Variants in INF2 observed in about 807,000 individuals in gnomAD.
INF2 encodes inverted formin-2.
In INF2, 43 loss-of-function variants were observed where a neutral mutation model predicts 123.5. That is an observed-to-expected ratio of 0.35 (90% CI 0.27 to 0.45). INF2 has a LOEUF of 0.45. Among genes scored for constraint, INF2 ranks in the 20% least tolerant of loss-of-function variants. The pLI is 1.00. For synonymous variants in INF2, 851 were observed against 745.0 expected (o/e 1.14, Z -2.32); for missense variants, 1,453 against 1,682.7 (o/e 0.86, Z 2.39).
rs2140670281 is a variant in INF2 at position 104,708,011 on chromosome 14, C to T, written c.1735+9C>T. 1 of 1,598,078 alleles carries T rather than the reference C, an allele frequency of 6.3e-7. No individual in the cohort carries two copies. Among genetic ancestry groups the T allele is most frequent in the Admixed American group, 1.7e-5 (1 of 60,014 alleles). ...ATCCAACGTGGCACGTGGTGAGGGT[C>T]CCCAGACCCCCAAGGGAAGCTTCCC... On this transcript the variant is annotated intron_variant, in intron 8 of 22. Transcript: ENST00000392634.
At chr14:104,681,254 A>G (rs1392774417) in exon 1 of INF2, 1 of 347,712 alleles carries the variant, frequency 2.9e-6, no homozygotes, top group African/African-American at 2.1e-5. Context: ...CCAGCGCCCC[A>G]CTGTAATAGG....
chr14:104,702,665 C>T (rs1889586101), intron 2 of INF2, among the ~76,000 whole-genome samples: 1 of 152,280 alleles, frequency 6.6e-6, no homozygotes, highest in South Asian at 2.1e-4. Flanking sequence ...CCCGTCTCCC[C>T]AGCCTGGGCC....
intron 8 of INF2, 37 bp downstream of exon 8, chr14:104,708,039 A>G: frequency 1.3e-6 from 2 of 1,597,864 alleles, no homozygotes; most frequent in Non-Finnish European, 8.5e-7. Context: ...AGCTTCCCCT[A>G]GGACGGGGGC....
In INF2 at chr14:104,699,404, C is replaced by T; in HGVS notation, c.-9-1953C>T. 1.0e-6 allele frequency: 1 copy of T among 985,314 alleles called. No homozygotes were observed. Among genetic ancestry groups the T allele is most frequent in the Non-Finnish European group, 1.2e-6 (1 of 829,904 alleles). 61.0% of individuals were successfully genotyped at this position (985,314 alleles called of 1,614,324 possible). A position where few individuals can be genotyped will look rare whatever the true frequency, so the allele number is the denominator to read the frequency against. Reference sequence around the variant, plus strand: ...TATATGCAGAGGCCCGGCTGCCTGGCTCTTCATGGTGGTGGGAGCAACCCT... The same window carrying T: ...TATATGCAGAGGCCCGGCTGCCTGGTTCTTCATGGTGGTGGGAGCAACCCT... On this transcript the variant is annotated intron_variant, in intron 1 of 22. Transcript: ENST00000392634. The surrounding 1 kb of genome is among the most constrained non-coding windows in gnomAD (Gnocchi z 4.7).
chr14:104,708,270 A>G (rs1395802799), intron 8 of INF2, 166 bp from the exon 9 acceptor site: 17 of 934,818 alleles, frequency 1.8e-5, no homozygotes, highest in Non-Finnish European at 2.4e-5. Context: ...GCCCTGCTAC[A>G]GGTGCTCAGG....
intron 8 of INF2, 55 bp downstream of exon 8, chr14:104,708,057 T>G: frequency 6.3e-6 from 10 of 1,596,862 alleles, no homozygotes; most frequent in Non-Finnish European, 8.5e-6. Flanking sequence ...GGCTGGTCTC[T>G]GCTGGGGAGA....
chr14:104,706,089 G>T lies in INF2; in HGVS notation c.756G>T (p.Lys252Asn). The change falls in exon 6 of 23, where the codon AAG becomes AAT. Residue 252 changes from lysine (K) to asparagine (N), a missense_variant. By Grantham distance (94) the Lys-to-Asn change is moderately conservative. Transcript: ENST00000392634. ...LIQLEAFEEA[K>N]AEDEEELLRV... ...AGCTGGAGGCTTTCGAGGAGGCTAA[G>T]GCCGAGGACGAGGAGGAGCTGCTGC... 1.9e-6 allele frequency: 3 copies of T among 1,612,644 alleles called. No individual in the cohort carries two copies. Among genetic ancestry groups the T allele is most frequent in the Non-Finnish European group, 2.5e-6 (3 of 1,179,736 alleles).
upstream of INF2, chr14:104,689,388 C>A (rs954200876): frequency 1.2e-5 from 7 of 593,120 alleles, no homozygotes; most frequent in Middle Eastern, 8.1e-4. Context: ...CATCTCCGCC[C>A]ACCAGGAGCC....
rs746026112 is a variant in INF2 at position 104,705,986 on chromosome 14, G to T, written c.702-49G>T. ...CTGACCCAGGCTGCCCCGCCTGCGT[G>T]TTGGTGGTGGCAGCAGCAGGCTTAG... On this transcript the variant is annotated intron_variant, in intron 5 of 22. Coordinates refer to ENST00000392634, the MANE Select transcript of INF2 (RefSeq NM_022489.4). The T allele has an allele frequency of 1.9e-6, 3 of 1,589,536 alleles. No homozygotes were observed. The African/African-American group carries it at 4.0e-5, about 21-fold the overall frequency.
chr14:104,695,549 C>T (rs913851957), intron 1 of INF2, among the ~76,000 whole-genome samples: 1 of 152,168 alleles, frequency 6.6e-6, no homozygotes, highest in South Asian at 2.1e-4. Flanking sequence ...TCCGCCCTTC[C>T]TGTCCTCCCT....
chr14:104,692,490 G>C (rs781222927), intron 1 of INF2, among the ~76,000 whole-genome samples: 5 of 152,228 alleles, frequency 3.3e-5, no homozygotes, highest in Non-Finnish European at 4.4e-5. Context: ...AGCCCTTGTT[G>C]CTACCACTGG....
At chr14:104,683,030 C>T (rs778773589) in intron 1 of INF2, among the ~76,000 whole-genome samples, 20 of 152,200 alleles carry the variant, frequency 1.3e-4, no homozygotes, top group East Asian at 3.9e-4. Flanking sequence ...TGAGCTCAAG[C>T]GGTCCACCCT....
Position 104,718,931 on chromosome 14 carries a change from G to T in INF2, c.*138G>T. The T allele has an allele frequency of 1.4e-6, 2 of 1,472,002 alleles. No individual in the cohort carries two copies. Among genetic ancestry groups the T allele is most frequent in the Non-Finnish European group, 1.8e-6 (2 of 1,118,028 alleles). The allele number at this position is 1,472,002 out of a possible 1,614,324, so 91.2% of individuals were successfully genotyped here. ...CAAAACTCCGTGCCTTACCCAGCCG[G>T]GGCCCTCCTGGAGCCTTCTTGGGGT... On this transcript the variant is annotated 3_prime_UTR_variant, in exon 23 of 23. Coordinates refer to ENST00000392634, the MANE Select transcript of INF2 (RefSeq NM_022489.4).
chr14:104,717,684 C>G (rs544868747), intron 22 of INF2: 2 of 152,322 alleles, frequency 1.3e-5, no homozygotes, highest in South Asian at 4.1e-4. Context: ...GAGTTCTACC[C>G]CAAGGGATGC....
At chr14:104,693,821 G>A (rs891606212) in intron 1 of INF2, among the ~76,000 whole-genome samples, 2 of 152,188 alleles carry the variant, frequency 1.3e-5, no homozygotes, top group Non-Finnish European at 2.9e-5. Flanking sequence ...ACATGGCCTC[G>A]GTGTACAGCC....
Position 104,707,453 on chromosome 14 carries a change from C to G in INF2, c.1186C>G (p.Pro396Ala), listed in dbSNP as rs1416561484. 1 of 1,562,848 alleles carries G rather than the reference C, an allele frequency of 6.4e-7. No individual in the cohort carries two copies. The highest frequency in any genetic ancestry group is 8.7e-7 in the Non-Finnish European group (1 of 1,154,434). ...GCCAGCAGCAGCTGCTGCCTGCGAGCCCGTGGACCACGCCCAGAGTGAGAG... is the reference window on the plus strand; with the variant it reads ...GCCAGCAGCAGCTGCTGCCTGCGAGGCCGTGGACCACGCCCAGAGTGAGAG... ...QQPAAAAACE[P>A]VDHAQSESIL... Residue 396 changes from proline to alanine, a missense_variant, in exon 8 of 23, where the codon CCC (proline) becomes GCC (alanine). Physicochemically the swap from Pro to Ala is conservative, Grantham distance 27 (BLOSUM62 -1). Transcript: ENST00000392634.
At chr14:104,698,897 G>A (rs1351417552) in intron 1 of INF2, among the ~76,000 whole-genome samples, 3 of 152,206 alleles carry the variant, frequency 2.0e-5, no homozygotes, top group Admixed American at 6.5e-5. Flanking sequence ...GGTGGGACAC[G>A]GCCAGCTGGG....
At chr14:104,690,092 T>C (rs1473502118) in intron 1 of INF2, 1 of 152,112 alleles carries the variant, frequency 6.6e-6, no homozygotes, top group African/African-American at 2.4e-5. Flanking sequence ...TCAGCCACAG[T>C]TGGGAAAATA....
intron 1 of INF2, among the ~76,000 whole-genome samples, chr14:104,695,648 C>T (rs900371776): frequency 7.8e-6 from 1 of 128,984 alleles, no homozygotes; most frequent in Non-Finnish European, 1.7e-5. Flanking sequence ...CCCCCTACCC[C>T]CCCTACAGAG....
Sources: gnomAD v4.1 joint callset for allele counts (sites outside exome capture counted in the v4.1 genomes callset) on GRCh38, gnomAD v4.1.1 for gene constraint, Gnocchi (gnomAD v3.1) non-coding constraint, MANE v1.5 for transcripts, NCBI Gene and HGNC (gene_info 2026-07-23, HGNC 2026-07-21) for gene names.